NTNG1: variants seen among roughly 807,000 people sequenced by gnomAD.
NTNG1 encodes the protein netrin-G1.
Under a neutral mutation model 54.0 loss-of-function variants are expected in NTNG1, and 16 were observed. The observed-to-expected ratio is 0.30, with a 90% confidence interval of 0.20 to 0.45. The LOEUF is 0.45. Among genes scored for constraint, NTNG1 ranks in the 20% least tolerant of loss-of-function variants. The pLI is 1.00. For missense variants in NTNG1, 530 were observed against 678.7 expected (o/e 0.78, Z 2.43); for synonymous variants, 255 against 263.1 (o/e 0.97, Z 0.30).
At chr1:107,322,441 A>G (rs1667711180) in intron 2 of NTNG1, among the ~76,000 whole-genome samples, 1 of 152,080 alleles carries the variant, frequency 6.6e-6, no homozygotes, top group Admixed American at 6.6e-5. Flanking sequence ...ATTTCAAATG[A>G]AGGTGTGATT....
chr1:107,418,619 C>G (rs757337875), intron 5 of NTNG1: 1 of 1,603,094 alleles, frequency 6.2e-7, no homozygotes, highest in Admixed American at 1.7e-5. Context: ...AATATTTCTT[C>G]CCTTGAGGTT....
chr1:107,469,860 G>C (rs1299516180), intron 7 of NTNG1, among the ~76,000 whole-genome samples: 9 of 151,894 alleles, frequency 5.9e-5, no homozygotes. Flanking sequence ...TACGTACAAG[G>C]GCAGAAATAG....
At chr1:107,340,574 A>AGAT (rs1322592527) in intron 3 of NTNG1, among the ~76,000 whole-genome samples, 1 of 152,128 alleles carries the variant, frequency 6.6e-6, no homozygotes, top group Non-Finnish European at 1.5e-5. Context: ...TTATTCTATC[A>AGAT]GATTTTTCTA....
At chr1:107,346,290 C>T (rs1310180646) in intron 3 of NTNG1, among the ~76,000 whole-genome samples, 1 of 152,184 alleles carries the variant, frequency 6.6e-6, no homozygotes, top group African/African-American at 2.4e-5. Flanking sequence ...AGATTTACTA[C>T]AGTCAGCTGG....
chr1:107,367,176 A>G (rs1670647017), intron 3 of NTNG1, among the ~76,000 whole-genome samples: 1 of 152,150 alleles, frequency 6.6e-6, no homozygotes, highest in Admixed American at 6.5e-5. Context: ...CTACAGATAT[A>G]ACAGGCAAAG....
At chr1:107,387,793 T>C (rs1672104290) in intron 3 of NTNG1, among the ~76,000 whole-genome samples, 1 of 152,178 alleles carries the variant, frequency 6.6e-6, no homozygotes, top group Non-Finnish European at 1.5e-5. Context: ...AGAGTGATAA[T>C]GAGGATGAGG....
intron 2 of NTNG1, among the ~76,000 whole-genome samples, chr1:107,173,185 C>G (rs976201494): frequency 2.0e-5 from 3 of 151,788 alleles, no homozygotes; most frequent in African/African-American, 7.3e-5. Context: ...ATATACCCAG[C>G]CAGGATTTTG....
At chr1:107,462,547 T>G (rs2101546995) in intron 7 of NTNG1, among the ~76,000 whole-genome samples, 1 of 152,332 alleles carries the variant, frequency 6.6e-6, no homozygotes, top group East Asian at 1.9e-4. Flanking sequence ...TATTATCCTG[T>G]TTTAATTTAA....
chr1:107,214,121 T>C (rs938491228), intron 2 of NTNG1, among the ~76,000 whole-genome samples: 12 of 152,166 alleles, frequency 7.9e-5, no homozygotes, highest in African/African-American at 1.2e-4. Flanking sequence ...AAATTTTTAA[T>C]GTATTTATTT....
rs1023882913 is a variant in NTNG1 at position 107,421,803 on chromosome 1, T to C, written c.1088-8947T>C. Among the ~76,000 whole-genome samples, 5 of 152,114 alleles carry C rather than the reference T, an allele frequency of 3.3e-5. No homozygotes were observed. In the East Asian group the frequency reaches 9.7e-4, roughly 29 times the overall value. On this transcript the variant is annotated intron_variant, in intron 5 of 7. Coordinates refer to ENST00000370068, the MANE Select transcript of NTNG1 (RefSeq NM_001113226.3). The stretch of plus-strand genomic sequence containing the variant: ...GAAGACTTCTGTTTTTATTTCACCA[T>C]TTTTTCTTTAAATGTCCTGTGTAAC...
At chr1:107,226,758 C>T (rs961465053) in intron 2 of NTNG1, among the ~76,000 whole-genome samples, 1 of 152,136 alleles carries the variant, frequency 6.6e-6, no homozygotes, top group Non-Finnish European at 1.5e-5. Flanking sequence ...TGTACAGAGT[C>T]TCACCAGATA....
intron 2 of NTNG1, among the ~76,000 whole-genome samples, chr1:107,208,007 C>T (rs2101351182): frequency 6.6e-6 from 1 of 152,308 alleles, no homozygotes; most frequent in African/African-American, 2.4e-5. Flanking sequence ...TACAGGGAAC[C>T]ATTGTCCCTG....
intron 2 of NTNG1, among the ~76,000 whole-genome samples, chr1:107,239,649 C>CTGG (rs1331457639): frequency 6.6e-6 from 1 of 152,172 alleles, no homozygotes; most frequent in Non-Finnish European, 1.5e-5. Flanking sequence ...AGACCCCTGA[C>CTGG]TGGTATAGGC....
At chr1:107,240,381 T>C (rs1357963927) in intron 2 of NTNG1, among the ~76,000 whole-genome samples, 1 of 152,212 alleles carries the variant, frequency 6.6e-6, no homozygotes, top group East Asian at 1.9e-4. Context: ...GTCACGCTGC[T>C]TAACTCCAAA....
intron 2 of NTNG1, among the ~76,000 whole-genome samples, chr1:107,195,704 T>A (rs1264117229): frequency 6.6e-6 from 1 of 151,960 alleles, no homozygotes; most frequent in Non-Finnish European, 1.5e-5. Context: ...TGTTCTTAAA[T>A]ATTCCAAATA....
intron 3 of NTNG1, among the ~76,000 whole-genome samples, chr1:107,334,748 C>A (rs1668481533): frequency 6.6e-6 from 1 of 152,012 alleles, no homozygotes; most frequent in African/African-American, 2.4e-5. Flanking sequence ...AGTTTACTCA[C>A]TGATCTGCGT....
intron 2 of NTNG1, among the ~76,000 whole-genome samples, chr1:107,293,147 T>C (rs1462326671): frequency 6.6e-6 from 1 of 152,142 alleles, no homozygotes; most frequent in Non-Finnish European, 1.5e-5. Context: ...TGATCAAAAA[T>C]GTAACCAAAA....
At chr1:107,176,832 T>G (rs1183388819) in intron 2 of NTNG1, among the ~76,000 whole-genome samples, 1 of 152,168 alleles carries the variant, frequency 6.6e-6, no homozygotes, top group African/African-American at 2.4e-5. Flanking sequence ...TATAAACAAA[T>G]ATACGTAGTC....
At chr1:107,280,100 G>T (rs1001953408) in intron 2 of NTNG1, among the ~76,000 whole-genome samples, 1 of 141,292 alleles carries the variant, frequency 7.1e-6, no homozygotes, top group Non-Finnish European at 1.5e-5. Flanking sequence ...TCATTTTTTT[G>T]GATTTAACTT....
Sources: gnomAD v4.1 joint callset for allele counts (sites outside exome capture counted in the v4.1 genomes callset) on GRCh38, gnomAD v4.1.1 for gene constraint, MANE v1.5 for transcripts, NCBI Gene and HGNC (gene_info 2026-07-23, HGNC 2026-07-21) for gene names.